AFG2A: variants seen among roughly 807,000 people sequenced by gnomAD.
AFG2A encodes AAA ATPase AFG2A.
chr4:123,276,863 G>C, the AFG2A span, among the ~76,000 whole-genome samples: 6 of 151,928 alleles, frequency 3.9e-5, no homozygotes, highest in African/African-American at 1.4e-4. Context: ...TACCAGTATC[G>C]TGTTGTTTTG....
chr4:123,178,721 GTCCAAA>G, the AFG2A span, among the ~76,000 whole-genome samples: 1 of 152,122 alleles, frequency 6.6e-6, no homozygotes, highest in Non-Finnish European at 1.5e-5. Flanking sequence ...TTTATAAATT[GTCCAAA>G]TTTACATTTT....
At chr4:123,227,098 T>G in the AFG2A span, among the ~76,000 whole-genome samples, 1 of 152,178 alleles carries the variant, frequency 6.6e-6, no homozygotes, top group South Asian at 2.1e-4. Flanking sequence ...GATTCTTCTC[T>G]CTTTTCTTCT....
the AFG2A span, among the ~76,000 whole-genome samples, chr4:123,311,177 A>G: frequency 6.6e-6 from 1 of 152,158 alleles, no homozygotes; most frequent in African/African-American, 2.4e-5. Context: ...ATAGTAGGGA[A>G]ATTTTTCCCA....
chr4:123,294,001 A>G, the AFG2A span, among the ~76,000 whole-genome samples: 2 of 152,198 alleles, frequency 1.3e-5, no homozygotes, highest in African/African-American at 4.8e-5. Context: ...TTATTCACCT[A>G]TAACTTTGGT....
the AFG2A span, among the ~76,000 whole-genome samples, chr4:123,071,556 A>G: frequency 6.6e-6 from 1 of 152,140 alleles, no homozygotes; most frequent in African/African-American, 2.4e-5. Flanking sequence ...AATGTAATGA[A>G]TATTGTCTGT....
the AFG2A span, among the ~76,000 whole-genome samples, chr4:123,005,177 G>C: frequency 6.6e-6 from 1 of 151,912 alleles, no homozygotes; most frequent in African/African-American, 2.4e-5. Context: ...CTGAGACAGA[G>C]TCTCACTCTG....
chr4:122,928,914 CTT>C, the AFG2A span: 20 of 1,209,238 alleles, frequency 1.7e-5, no homozygotes, highest in Non-Finnish European at 2.1e-5. Flanking sequence ...GATTGTAACT[CTT>C]TTTGGGTAAA....
chr4:122,927,598 A>G, the AFG2A span: 2 of 1,582,502 alleles, frequency 1.3e-6, no homozygotes, highest in Non-Finnish European at 1.7e-6. Flanking sequence ...CTTCTGTTAC[A>G]AAGTAGTACA....
the AFG2A span, among the ~76,000 whole-genome samples, chr4:122,929,525 C>G: frequency 6.6e-6 from 1 of 152,034 alleles, no homozygotes; most frequent in African/African-American, 2.4e-5. Flanking sequence ...AAAACCCTGT[C>G]TCTACAAAAA....
chr4:122,995,010 A>G, the AFG2A span, among the ~76,000 whole-genome samples: 1 of 152,264 alleles, frequency 6.6e-6, no homozygotes, highest in Admixed American at 6.5e-5. Context: ...GTTGAGTTTC[A>G]TAGGATGAGC....
At chr4:123,160,084 T>C in the AFG2A span, among the ~76,000 whole-genome samples, 1 of 152,088 alleles carries the variant, frequency 6.6e-6, no homozygotes, top group African/African-American at 2.4e-5. Flanking sequence ...GTGTGATGAC[T>C]AGCCTTTTTT....
At chr4:123,289,200 A>G in the AFG2A span, among the ~76,000 whole-genome samples, 1 of 152,264 alleles carries the variant, frequency 6.6e-6, no homozygotes, top group African/African-American at 2.4e-5. Context: ...TCCAGTGTCC[A>G]TTATACAATT....
At chr4:123,075,436 TTACA>T in the AFG2A span, among the ~76,000 whole-genome samples, 4 of 151,774 alleles carry the variant, frequency 2.6e-5, no homozygotes, top group Non-Finnish European at 5.9e-5. Flanking sequence ...GTAGCTGGGA[TTACA>T]GGCGCCTGCC....
At chr4:123,039,789 T>C in the AFG2A span, among the ~76,000 whole-genome samples, 526 of 152,040 alleles carry the variant, frequency 3.5e-3, 6 homozygotes, top group African/African-American at 0.012. Context: ...TGGGAAAAAT[T>C]ACAAGTGTTA....
At chr4:123,178,903 G>C in the AFG2A span, among the ~76,000 whole-genome samples, 2 of 152,082 alleles carry the variant, frequency 1.3e-5, no homozygotes, top group Non-Finnish European at 2.9e-5. Context: ...CCTGCACATA[G>C]GCTTCTCTAC....
the AFG2A span, among the ~76,000 whole-genome samples, chr4:123,028,915 A>G: frequency 6.6e-6 from 1 of 152,236 alleles, no homozygotes; most frequent in South Asian, 2.1e-4. Context: ...ACTGGGATAG[A>G]TAATCTTTCA....
At chr4:123,185,160 T>A in the AFG2A span, among the ~76,000 whole-genome samples, 2 of 151,610 alleles carry the variant, frequency 1.3e-5, no homozygotes, top group African/African-American at 4.8e-5. Flanking sequence ...TAAGTTCAGG[T>A]ATCTGAAAAA....
chr4:123,001,789 G>T, the AFG2A span, among the ~76,000 whole-genome samples: 5 of 152,206 alleles, frequency 3.3e-5, no homozygotes, highest in East Asian at 5.8e-4. Context: ...TGTTGATTTG[G>T]GGTGGAGAGT....
chr4:123,298,070 AC>A, the AFG2A span, among the ~76,000 whole-genome samples: 1 of 150,906 alleles, frequency 6.6e-6, no homozygotes, highest in African/African-American at 2.4e-5. Flanking sequence ...CTCTGTTGTC[AC>A]AGTGTGAAAA....
Sources: gnomAD v4.1 joint callset for allele counts (sites outside exome capture counted in the v4.1 genomes callset) on GRCh38, gnomAD v4.1.1 for gene constraint, MANE v1.5 for transcripts, NCBI Gene and HGNC (gene_info 2026-07-23, HGNC 2026-07-21) for gene names.